Variants in DSEL observed in about 807,000 individuals in gnomAD.
DSEL encodes dermatan sulfate epimerase like, also known as dermatan-sulfate epimerase-like protein.
In DSEL, 61 loss-of-function variants were observed where a neutral mutation model predicts 96.6. The observed-to-expected ratio is 0.63, with a 90% CI of 0.51 to 0.78. The LOEUF (loss-of-function observed/expected upper bound fraction) is 0.78, where lower values mean the gene tolerates loss of function less well. Among genes scored for constraint, DSEL ranks in the 30% least tolerant of loss-of-function variants. The probability of loss-of-function intolerance (pLI) is 0.00; values close to 1 mark genes in which losing one functional copy is unlikely to be tolerated. For synonymous variants in DSEL, 514 were observed against 502.0 expected, an observed-to-expected ratio of 1.02 and a Z score of -0.32; for missense variants, 1,320 against 1,430.8, an observed-to-expected ratio of 0.92 and a Z score of 1.25.
chr18:67,514,962 G>A lies in DSEL; in HGVS notation c.-354C>T, dbSNP rs946096915. The A allele has an allele frequency of 4.0e-5, 11 of 275,076 alleles. No homozygotes were observed. Among genetic ancestry groups the A allele is most frequent in the Admixed American group, 2.0e-4 (4 of 19,968 alleles). 17.0% of individuals were successfully genotyped at this position (275,076 alleles called of 1,614,324 possible). A position where few individuals can be genotyped will look rare whatever the true frequency, so the allele number is the denominator to read the frequency against. On this transcript the variant is annotated 5_prime_UTR_variant, in exon 2 of 2. Transcript: ENST00000310045. ...TTAAATCTATTTAACACAAAGAGTT[G>A]GAACACACATTGTAAAAAAAGAGAA...
At position 67,510,866 on chromosome 18, in the gene DSEL, G is replaced by GCA. The variant is rs3073946; in HGVS notation, c.*102_*103dup. On this transcript the variant is annotated 3_prime_UTR_variant, in exon 2 of 2. Coordinates refer to ENST00000310045, the MANE Select transcript of DSEL (RefSeq NM_032160.3). ...AACAACACTGAACACATACACGCGT[G>GCA]CACACACACACACACACTAAAGAAT... 0.47 allele frequency: 338,757 copies of GCA among 713,266 alleles called. 59,741 individuals are homozygous for GCA. The highest frequency in any genetic ancestry group is 0.51 in the Middle Eastern group (1,198 of 2,336). The allele number at this position is 713,266 out of a possible 1,614,324, so 44.2% of individuals were successfully genotyped here. A position where few individuals can be genotyped will look rare whatever the true frequency, so the allele number is the denominator to read the frequency against.
chr18:67,507,840 C>G lies in DSEL; in HGVS notation c.*3130G>C, dbSNP rs2144042288. 1 of 152,306 alleles carries G rather than the reference C, an allele frequency of 6.6e-6. No individual in the cohort carries two copies. Among genetic ancestry groups the G allele is most frequent in the East Asian group, 1.9e-4 (1 of 5,180 alleles). The allele number at this position is 152,306 out of a possible 1,614,324, so 9.4% of individuals were successfully genotyped here. ...AATTTAAATTTTAAATTAAATTCTA[C>G]AAACTAAATCTATGCAGATTTAGCT... On this transcript the variant is annotated 3_prime_UTR_variant, in exon 2 of 2. Coordinates refer to ENST00000310045, the MANE Select transcript of DSEL (RefSeq NM_032160.3).
Position 67,512,955 on chromosome 18 carries a change from C to A in DSEL, c.1654G>T (p.Val552Leu). The change falls in exon 2 of 2, where the codon GTG (valine) becomes TTG (leucine). Residue 552 changes from valine (V) to leucine (L), a missense_variant. Val to Leu is a conservative substitution (Grantham distance 32). This residue lies in a region of DSEL where 986 missense variants were observed against 1,066.4 expected (regional missense o/e 0.92). Transcript: ENST00000310045. The part of the protein sequence containing the change: ...TASQHGEMVF[V>L]SGEAVSAYSS... ...TAAGCAGACACGGCTTCCCCACTCA[C>A]AAATACCATTTCCCCATGTTGAGAG... is the stretch of plus-strand genomic sequence containing the variant. 1 of 1,614,198 alleles carries A rather than the reference C, an allele frequency of 6.2e-7. No individual in the cohort carries two copies. The highest frequency in any genetic ancestry group is 8.5e-7 in the Non-Finnish European group (1 of 1,180,052).
At chr18:67,515,615 C>T (rs2089471131) in intron 1 of DSEL, 123 bp from the exon 2 acceptor site, 1 of 153,184 alleles carries the variant, frequency 6.5e-6, no homozygotes, top group South Asian at 2.1e-4. Context: ...AGTAAAATCT[C>T]ATATTATCTG....
At position 67,514,008 on chromosome 18, in the gene DSEL, A is replaced by C. The variant is rs750394219; in HGVS notation, c.601T>G (p.Trp201Gly). ...HRRQKYLEKI[W>G]VITEEMYEYS... Reference sequence around the variant, plus strand: ...TCGTACATTTCCTCAGTAATAACCCATATTTTTTCCAGGTATTTTTGTCTT... The same window carrying C: ...TCGTACATTTCCTCAGTAATAACCCCTATTTTTTCCAGGTATTTTTGTCTT... Residue 201 changes from tryptophan to glycine, a missense_variant, in exon 2 of 2, where the codon TGG becomes GGG. Trp to Gly is a radical substitution (Grantham distance 184). Around this residue, in one of 3 missense-constraint regions of DSEL, gnomAD observed 323 missense variants for 333.1 expected, o/e 0.97. Transcript: ENST00000310045. 4.3e-6 allele frequency: 7 copies of C among 1,614,144 alleles called. No homozygotes were observed. The South Asian group carries it at 7.7e-5, about 18-fold the overall frequency.
At position 67,508,731 on chromosome 18, in the gene DSEL, C is replaced by CTT. The variant is rs71171183; in HGVS notation, c.*2237_*2238dup. ...TGCCAACAGGTACATTTCTTTTTTT[C>CTT]TTTTTTTTTTTTTTTTGAGGCGGAG... On this transcript the variant is annotated 3_prime_UTR_variant, in exon 2 of 2. Coordinates refer to ENST00000310045, the MANE Select transcript of DSEL (RefSeq NM_032160.3). 18,443 of 126,744 alleles carry CTT rather than the reference C, an allele frequency of 0.15. 1,900 individuals are homozygous for CTT. Among genetic ancestry groups the CTT allele is most frequent in the African/African-American group, 0.23 (7,763 of 33,268 alleles). The allele number at this position is 126,744 out of a possible 1,614,324, so 7.9% of individuals were successfully genotyped here.
chr18:67,514,006 C>G lies in DSEL; in HGVS notation c.603G>C (p.Trp201Cys), dbSNP rs781175996. 4 of 1,614,052 alleles carry G rather than the reference C, an allele frequency of 2.5e-6. No individual in the cohort carries two copies. The highest frequency in any genetic ancestry group is 3.4e-6 in the Non-Finnish European group (4 of 1,180,014). ...ACTCGTACATTTCCTCAGTAATAAC[C>G]CATATTTTTTCCAGGTATTTTTGTC... ...HRRQKYLEKI[W>C]VITEEMYEYS... The change falls in exon 2 of 2, where the codon TGG becomes TGC. Residue 201 changes from tryptophan (W) to cysteine (C), a missense_variant. Around this residue, in one of 3 missense-constraint regions of DSEL, gnomAD observed 323 missense variants for 333.1 expected, o/e 0.97. Coordinates refer to ENST00000310045, the MANE Select transcript of DSEL (RefSeq NM_032160.3).
At position 67,515,136 on chromosome 18, in the gene DSEL, T is replaced by C. The variant is rs1017060923; in HGVS notation, c.-528A>G. On this transcript the variant is annotated 5_prime_UTR_variant, in exon 2 of 2. Coordinates refer to ENST00000310045, the MANE Select transcript of DSEL (RefSeq NM_032160.3). ...ACATTCTTCGAGTGAGTGGACTCAG[T>C]TGTCATTCCTCTCAACTTTTTATAC... is the stretch of plus-strand genomic sequence containing the variant. 5.9e-6 allele frequency: 1 copy of C among 168,142 alleles called. No homozygotes were observed. Among genetic ancestry groups the C allele is most frequent in the Admixed American group, 6.5e-5 (1 of 15,308 alleles). The allele number at this position is 168,142 out of a possible 1,614,324, so 10.4% of individuals were successfully genotyped here.
At position 67,510,911 on chromosome 18, in the gene DSEL, A is replaced by G; in HGVS notation, c.*59T>C. ...AAGAATAAACAAACTCTTCTGATTC[A>G]TATCCACAAAGTGGGTTGGTAAGTA... is the stretch of plus-strand genomic sequence containing the variant. On this transcript the variant is annotated 3_prime_UTR_variant, in exon 2 of 2. Transcript: ENST00000310045. 1 of 1,393,744 alleles carries G rather than the reference A, an allele frequency of 7.2e-7. No homozygotes were observed. Among genetic ancestry groups the G allele is most frequent in the Admixed American group, 2.3e-5 (1 of 43,920 alleles). The allele number at this position is 1,393,744 out of a possible 1,614,324, so 86.3% of individuals were successfully genotyped here.
In DSEL at chr18:67,513,543, C is replaced by T. The variant is rs780411916; in HGVS notation, c.1066G>A (p.Ala356Thr). 9 of 1,614,070 alleles carry T rather than the reference C, an allele frequency of 5.6e-6. No individual in the cohort carries two copies. The Admixed American group carries it at 6.7e-5, about 12-fold the overall frequency. The change falls in exon 2 of 2, where the codon GCT (alanine) becomes ACT (threonine). Residue 356 changes from alanine (A) to threonine (T), a missense_variant. Physicochemically the swap from Ala to Thr is moderately conservative, Grantham distance 58 (BLOSUM62 0). This residue lies in a region of DSEL where 986 missense variants were observed against 1,066.4 expected (regional missense o/e 0.92). Coordinates refer to ENST00000310045, the MANE Select transcript of DSEL (RefSeq NM_032160.3). Reference protein sequence around the residue: ...FLDKFILKNGAGNWLAQQIRK... With the variant: ...FLDKFILKNGTGNWLAQQIRK... ...ATTTGCTGAGCTAACCAATTTCCAG[C>T]TCCATTCTTTAAGATGAACTTATCC...
At position 67,510,808 on chromosome 18, in the gene DSEL, T is replaced by C; in HGVS notation, c.*162A>G. 5.4e-6 allele frequency: 3 copies of C among 551,236 alleles called. No homozygotes were observed. The highest frequency in any genetic ancestry group is 3.1e-5 in the East Asian group (1 of 31,966). 34.1% of individuals were successfully genotyped at this position (551,236 alleles called of 1,614,324 possible). On this transcript the variant is annotated 3_prime_UTR_variant, in exon 2 of 2. Transcript: ENST00000310045. ...AAAATAAATCCTGCTAGGCCAAATA[T>C]GGTGCCATTTTTTAAAACAATCTCT...
At position 67,513,907 on chromosome 18, in the gene DSEL, T is replaced by C; in HGVS notation, c.702A>G (p.Thr234=). ...HQATNMIALL[T]GALVTGVDKG... ...TATCTACTCCAGTCACCAAGGCCCC[T>C]GTGAGTAATGCTATCATATTAGTGG... The change falls in exon 2 of 2, where the codon ACA becomes ACG. Residue 234 remains threonine (T), a synonymous_variant. Coordinates refer to ENST00000310045, the MANE Select transcript of DSEL (RefSeq NM_032160.3). 6.2e-7 allele frequency: 1 copy of C among 1,614,184 alleles called. No homozygotes were observed.
chr18:67,514,920 G>T lies in DSEL; in HGVS notation c.-312C>A. 1 of 376,662 alleles carries T rather than the reference G, an allele frequency of 2.7e-6. No homozygotes were observed. 23.3% of individuals were successfully genotyped at this position (376,662 alleles called of 1,614,324 possible). ...ACAGGTAAAAAACACTATGAATTTA[G>T]CATTTACCTCCTTTACTTAAATCTA... On this transcript the variant is annotated 5_prime_UTR_variant, in exon 2 of 2. Transcript: ENST00000310045.
chr18:67,511,234 G>T lies in DSEL; in HGVS notation c.3375C>A (p.Val1125=). 1 of 1,613,534 alleles carries T rather than the reference G, an allele frequency of 6.2e-7. No homozygotes were observed. The highest frequency in any genetic ancestry group is 8.5e-7 in the Non-Finnish European group (1 of 1,180,002). Residue 1125 remains valine (V), a synonymous_variant, in exon 2 of 2, where the codon GTC becomes GTA. Coordinates refer to ENST00000310045, the MANE Select transcript of DSEL (RefSeq NM_032160.3). The part of the protein sequence containing the change: ...TDLLPTSYQL[V]KFEDIVHFPQ... ...GAAAATGCACAATATCTTCAAACTT[G>T]ACCAGCTGGTAGCTAGTAGGCAGCA...
At position 67,510,008 on chromosome 18, in the gene DSEL, A is replaced by G. The variant is rs1025090713; in HGVS notation, c.*962T>C. 5.2e-5 allele frequency: 8 copies of G among 152,648 alleles called. No individual in the cohort carries two copies. The highest frequency in any genetic ancestry group is 1.7e-4 in the African/African-American group (7 of 41,450). 9.5% of individuals were successfully genotyped at this position (152,648 alleles called of 1,614,324 possible). On this transcript the variant is annotated 3_prime_UTR_variant, in exon 2 of 2. Transcript: ENST00000310045. ...CAGTTTAAAAAGACACTGCAGTGGC[A>G]CTACTTTGAGTCACAGAGTGTTAAT...
At position 67,513,152 on chromosome 18, in the gene DSEL, G is replaced by A; in HGVS notation, c.1457C>T (p.Ser486Phe). 6.2e-7 allele frequency: 1 copy of A among 1,614,158 alleles called. No individual in the cohort carries two copies. The highest frequency in any genetic ancestry group is 8.5e-7 in the Non-Finnish European group (1 of 1,180,032). ...TFAPNGQVFVSEALYGPKLSH... is the reference protein window; with the variant it reads ...TFAPNGQVFVFEALYGPKLSH... The stretch of plus-strand genomic sequence containing the variant: ...CAACTTGGGTCCATAGAGAGCTTCA[G>A]AAACAAATACTTGTCCATTGGGGGC... Residue 486 changes from serine (S) to phenylalanine (F), a missense_variant, in exon 2 of 2, where the codon TCT becomes TTT. By Grantham distance (155) the Ser-to-Phe change is radical. Coordinates refer to ENST00000310045, the MANE Select transcript of DSEL (RefSeq NM_032160.3).
At position 67,516,015 on chromosome 18, in the gene DSEL, C is replaced by G. The variant is rs1260534350; in HGVS notation, c.-885+346G>C. ...GTCACTTTTCTCGGCGGGGTAACCG[C>G]GAATCGTGACCAGGCGCCAAGCCGA... is the stretch of plus-strand genomic sequence containing the variant. On this transcript the variant is annotated intron_variant, in intron 1 of 1. Coordinates refer to ENST00000310045, the MANE Select transcript of DSEL (RefSeq NM_032160.3). The surrounding 1 kb of genome is among the most constrained non-coding windows in gnomAD (Gnocchi z 5.6). 6.6e-6 allele frequency among the ~76,000 whole-genome samples: 1 copy of G among 151,416 alleles called. No individual in the cohort carries two copies. The highest frequency in any genetic ancestry group is 6.6e-5 in the Admixed American group (1 of 15,230).
rs948542656 is a variant in DSEL, at chr18:67,512,135, T to C, written c.2474A>G (p.Gln825Arg). ...CCTTGTCCATTTTGCACAAATGGGCTGACTACAAGTGCTCCACACATCCAA... is the reference window on the plus strand; with the variant it reads ...CCTTGTCCATTTTGCACAAATGGGCCGACTACAAGTGCTCCACACATCCAA... The part of the protein sequence containing the change: ...ELLDVWSTCS[Q>R]PICAKWTRTE... Residue 825 changes from glutamine (Q) to arginine (R), a missense_variant, in exon 2 of 2, where the codon CAG becomes CGG. Around this residue, in one of 3 missense-constraint regions of DSEL, gnomAD observed 986 missense variants for 1,066.4 expected, o/e 0.92. Transcript: ENST00000310045. 1.2e-6 allele frequency: 2 copies of C among 1,614,234 alleles called. No homozygotes were observed. The highest frequency in any genetic ancestry group is 1.7e-6 in the Non-Finnish European group (2 of 1,180,046).
chr18:67,510,238 T>A lies in DSEL; in HGVS notation c.*732A>T, dbSNP rs2089433762. 1 of 151,412 alleles carries A rather than the reference T, an allele frequency of 6.6e-6. No individual in the cohort carries two copies. Among genetic ancestry groups the A allele is most frequent in the African/African-American group, 2.4e-5 (1 of 41,150 alleles). The allele number at this position is 151,412 out of a possible 1,614,324, so 9.4% of individuals were successfully genotyped here. A position where few individuals can be genotyped will look rare whatever the true frequency, so the allele number is the denominator to read the frequency against. On this transcript the variant is annotated 3_prime_UTR_variant, in exon 2 of 2. Transcript: ENST00000310045. The stretch of plus-strand genomic sequence containing the variant: ...GGGAGGATAAAAAGTGAAAGGAGAG[T>A]TTTAAACAGACAATCATGTCTAAAA...
Sources: allele counts gnomAD v4.1 joint callset (sites outside exome capture counted in the v4.1 genomes callset), GRCh38; gene constraint gnomAD v4.1.1; regional missense constraint gnomAD v4.1.1; non-coding constraint Gnocchi (gnomAD v3.1); transcripts MANE v1.5; gene names NCBI Gene and HGNC (gene_info 2026-07-23, HGNC 2026-07-21).